CEP112: variants seen among roughly 807,000 people sequenced by gnomAD.
The protein encoded by CEP112 is centrosomal protein of 112 kDa.
A neutral mutation model predicts 153.0 loss-of-function variants in CEP112; 127 were observed. The observed-to-expected ratio is 0.83, with a 90% confidence interval of 0.72 to 0.96. The LOEUF is 0.96. Ranked by LOEUF, CEP112 falls within the 40% of genes least tolerant of loss-of-function variation. The pLI is 0.00. For missense variants in CEP112, 1,089 were observed against 1,101.2 expected (o/e 0.99, Z 0.16); for synonymous variants, 358 against 374.4 (o/e 0.96, Z 0.51).
At chr17:66,168,502 T>C (rs2072094061) in intron 4 of CEP112, among the ~76,000 whole-genome samples, 1 of 151,562 alleles carries the variant, frequency 6.6e-6, no homozygotes, top group Non-Finnish European at 1.5e-5. Context: ...TGTATATATA[T>C]GTATATATGT....
At chr17:65,876,039 T>C (rs2058814531) in intron 20 of CEP112, among the ~76,000 whole-genome samples, 1 of 152,162 alleles carries the variant, frequency 6.6e-6, no homozygotes, top group Admixed American at 6.5e-5. Context: ...CCTAACATTG[T>C]TGAGAATTCT....
In CEP112 at chr17:65,831,311, A is replaced by G. The variant is rs185335265; in HGVS notation, c.2394+20493T>C. 2.3e-4 allele frequency among the ~76,000 whole-genome samples: 35 copies of G among 152,330 alleles called. No individual in the cohort carries two copies. The East Asian group carries it at 6.0e-3, about 26-fold the overall frequency. On this transcript the variant is annotated intron_variant, in intron 21 of 26. Coordinates refer to ENST00000535342, the MANE Select transcript of CEP112 (RefSeq NM_001199165.4). ...AGTGGCTCATGCCTGTAATCCCAGC[A>G]CTTTGGGAGGCCGAGGCGGGTGGAT...
intron 19 of CEP112, among the ~76,000 whole-genome samples, chr17:65,916,506 G>A (rs1274144491): frequency 1.3e-5 from 2 of 151,680 alleles, no homozygotes; most frequent in Non-Finnish European, 2.9e-5. Context: ...GGAATAATGA[G>A]TTAGTCCATA....
At chr17:65,732,942 A>G (rs1211375057) in intron 23 of CEP112, among the ~76,000 whole-genome samples, 2 of 152,252 alleles carry the variant, frequency 1.3e-5, no homozygotes, top group Admixed American at 6.5e-5. Flanking sequence ...TCACTGGAGT[A>G]GCACTTTTAA....
At chr17:66,045,959 A>T (rs1024508871) in intron 12 of CEP112, among the ~76,000 whole-genome samples, 2 of 152,210 alleles carry the variant, frequency 1.3e-5, no homozygotes, top group Non-Finnish European at 2.9e-5. Context: ...GCTACATGAC[A>T]CATGATACCA....
chr17:66,055,845 T>C (rs979713852), intron 11 of CEP112, among the ~76,000 whole-genome samples: 7 of 152,308 alleles, frequency 4.6e-5, no homozygotes, highest in Non-Finnish European at 7.4e-5. Context: ...GAGGACTAGA[T>C]AGGCATCTGG....
intron 16 of CEP112, among the ~76,000 whole-genome samples, chr17:66,023,330 T>C (rs1445578281): frequency 6.6e-6 from 1 of 151,990 alleles, no homozygotes; most frequent in East Asian, 1.9e-4. Flanking sequence ...AAGCATCTAG[T>C]CACCTATTAA....
At chr17:65,968,436 A>G (rs2062494146) in intron 17 of CEP112, among the ~76,000 whole-genome samples, 1 of 152,204 alleles carries the variant, frequency 6.6e-6, no homozygotes, top group Non-Finnish European at 1.5e-5. Context: ...ATATAAATGT[A>G]ATATTTATCA....
At chr17:66,090,027 A>C (rs867429974) in intron 8 of CEP112, among the ~76,000 whole-genome samples, 30 of 152,180 alleles carry the variant, frequency 2.0e-4, no homozygotes, top group African/African-American at 6.5e-4. Context: ...GTAGGATGAT[A>C]TATTCCAAGT....
At chr17:65,791,281 T>A (rs1260416009) in intron 21 of CEP112, among the ~76,000 whole-genome samples, 4 of 152,158 alleles carry the variant, frequency 2.6e-5, no homozygotes, top group Non-Finnish European at 5.9e-5. Context: ...CAAACAGGAT[T>A]AGAATGAAGA....
chr17:66,005,635 G>T (rs2064241695), intron 17 of CEP112, 55 bp downstream of exon 17: 1 of 1,564,046 alleles, frequency 6.4e-7, no homozygotes, highest in African/African-American at 1.4e-5. Context: ...ACTTAATTTG[G>T]CTCACAGTTT....
At chr17:66,059,704 C>A (rs7214542) in intron 11 of CEP112, among the ~76,000 whole-genome samples, 1 of 152,058 alleles carries the variant, frequency 6.6e-6, no homozygotes, top group Admixed American at 6.6e-5. Flanking sequence ...TTAGTGGGAA[C>A]GTAAAGTAGT....
chr17:65,781,435 C>G (rs1270717497), intron 21 of CEP112, among the ~76,000 whole-genome samples: 2 of 151,964 alleles, frequency 1.3e-5, no homozygotes, highest in African/African-American at 4.8e-5. Context: ...ATTTTACAAT[C>G]TACAGATTCA....
At chr17:65,928,412 T>C (rs2061005905) in intron 18 of CEP112, among the ~76,000 whole-genome samples, 1 of 152,194 alleles carries the variant, frequency 6.6e-6, no homozygotes, top group Non-Finnish European at 1.5e-5. Flanking sequence ...TGTGTCCCAG[T>C]AGTTCCACTC....
At chr17:66,067,460 C>CG (rs1233795198) in intron 9 of CEP112, among the ~76,000 whole-genome samples, 7 of 152,088 alleles carry the variant, frequency 4.6e-5, no homozygotes, top group Admixed American at 1.3e-4. Flanking sequence ...CTTATACTTA[C>CG]GATATCTACT....
rs1568453331 is a variant in CEP112, at chr17:66,066,825, CTCCTGTATAAA to C, written c.897_907del (p.Leu300Ter). 7.1e-6 allele frequency: 11 copies of C among 1,555,598 alleles called. No individual in the cohort carries two copies. The African/African-American group carries it at 1.5e-4, about 22-fold the overall frequency. On this transcript the variant is annotated frameshift_variant, in exon 10 of 27. Coordinates refer to ENST00000535342, the MANE Select transcript of CEP112 (RefSeq NM_001199165.4). LOFTEE classifies it high-confidence loss of function. The stretch of plus-strand genomic sequence containing the variant: ...AGTCTCTTCAGTTTCATGTTGTTTA[CTCCTGTATAAA>C]GTTTTCAGTTCTTCTATTTCATTAT...
intron 23 of CEP112, among the ~76,000 whole-genome samples, chr17:65,693,292 T>G (rs1409418047): frequency 6.6e-6 from 1 of 152,062 alleles, no homozygotes; most frequent in East Asian, 1.9e-4. Flanking sequence ...CCCACTGCTC[T>G]CCTGAGTCAG....
chr17:65,871,957 A>C (rs2058683814), intron 20 of CEP112, among the ~76,000 whole-genome samples: 1 of 152,204 alleles, frequency 6.6e-6, no homozygotes, highest in Non-Finnish European at 1.5e-5. Flanking sequence ...CAATCAATTT[A>C]CTATAATAAT....
intron 16 of CEP112, among the ~76,000 whole-genome samples, chr17:66,009,953 TG>T (rs777523416): frequency 5.9e-5 from 9 of 152,250 alleles, no homozygotes; most frequent in Non-Finnish European, 8.8e-5. Context: ...ATCTCTTTTT[TG>T]GTTCTATATG....
Sources: allele counts gnomAD v4.1 joint callset (sites outside exome capture counted in the v4.1 genomes callset), GRCh38; gene constraint gnomAD v4.1.1; transcripts MANE v1.5; gene names NCBI Gene and HGNC (gene_info 2026-07-23, HGNC 2026-07-21).